The following RFTN1 variants were observed in gnomAD, a reference collection of about 807,000 sequenced individuals.
RFTN1 encodes the protein raftlin, lipid raft linker 1, also known as raftlin.
Under a neutral mutation model 46.5 loss-of-function variants are expected in RFTN1, and 26 were observed. The observed-to-expected ratio is 0.56, with a 90% CI of 0.41 to 0.78. RFTN1 has a LOEUF of 0.78. RFTN1 is among the 30% of genes least tolerant of loss of function. The pLI, the probability that RFTN1 is intolerant of heterozygous loss-of-function variation, is 0.00. For missense variants in RFTN1, 693 were observed against 718.7 expected (o/e 0.96, Z 0.41); for synonymous variants, 261 against 284.2 (o/e 0.92, Z 0.82).
At chr3:16,399,135 TTA>T (rs2074543387) in intron 4 of RFTN1, among the ~76,000 whole-genome samples, 2 of 152,182 alleles carry the variant, frequency 1.3e-5, no homozygotes, top group Non-Finnish European at 2.9e-5. Flanking sequence ...ACATAAAATT[TTA>T]ATGCTTTACA....
At chr3:16,319,065 C>T (rs1040981887) in intron 9 of RFTN1, among the ~76,000 whole-genome samples, 11 of 152,326 alleles carry the variant, frequency 7.2e-5, no homozygotes, top group South Asian at 6.2e-4. Flanking sequence ...TGTTATGGTT[C>T]GTAACTGCTG....
chr3:16,317,115 G>C lies in RFTN1; in HGVS notation c.1450C>G (p.Gln484Glu). ...AEENEKNLED[Q>E]SSKAGDMGNC... ...CCCATGTCTCCAGCTTTGGAAGACTGGTCTTCTAAGTTCTTCTCATTTTCT... is the reference window on the plus strand; with the variant it reads ...CCCATGTCTCCAGCTTTGGAAGACTCGTCTTCTAAGTTCTTCTCATTTTCT... The change falls in exon 10 of 10, where the codon CAG (glutamine) becomes GAG (glutamate). Residue 484 changes from glutamine (Q) to glutamate (E), a missense_variant. By Grantham distance (29) the Gln-to-Glu change is conservative (BLOSUM62 2). Transcript: ENST00000334133. This position sits in a 1 kb window ranked among gnomAD's most constrained non-coding sequence, Gnocchi z 4.3. 6.2e-7 allele frequency: 1 copy of C among 1,613,754 alleles called. No individual in the cohort carries two copies.
intron 2 of RFTN1, among the ~76,000 whole-genome samples, chr3:16,485,833 T>C (rs961519540): frequency 1.3e-5 from 2 of 152,264 alleles, no homozygotes; most frequent in African/African-American, 2.4e-5. Flanking sequence ...GGACTGGCAG[T>C]TGGCGCTGAG....
Position 16,345,811 on chromosome 3 carries a change from T to C in RFTN1, c.1146+12121A>G. On this transcript the variant is annotated intron_variant, in intron 7 of 9. Transcript: ENST00000334133. This position sits in a 1 kb window ranked among gnomAD's most constrained non-coding sequence, Gnocchi z 5.2. The stretch of plus-strand genomic sequence containing the variant: ...CTCTGTGTGTGTGTGTGTGTGTGTG[T>C]GTGTGTGCGCGCGCGCGTGCGCGCA... Among the ~76,000 whole-genome samples, 1 of 85,752 alleles carries C rather than the reference T, an allele frequency of 1.2e-5. No individual in the cohort carries two copies. Among genetic ancestry groups the C allele is most frequent in the South Asian group, 3.7e-4 (1 of 2,734 alleles). 56.3% of individuals were successfully genotyped at this position (85,752 alleles called of 152,430 possible). A position where few individuals can be genotyped will look rare whatever the true frequency, so the allele number is the denominator to read the frequency against.
chr3:16,438,083 T>C (rs1162522676), intron 2 of RFTN1, among the ~76,000 whole-genome samples: 2 of 152,158 alleles, frequency 1.3e-5, no homozygotes, highest in Non-Finnish European at 2.9e-5. Flanking sequence ...ACAGCATCTG[T>C]GAGTCATCGA....
In RFTN1 at chr3:16,458,617, G is replaced by A. The variant is rs372553215; in HGVS notation, c.146-24580C>T. 1.3e-5 allele frequency among the ~76,000 whole-genome samples: 2 copies of A among 152,002 alleles called. No homozygotes were observed. The highest frequency in any genetic ancestry group is 1.9e-4 in the East Asian group (1 of 5,178). On this transcript the variant is annotated intron_variant, in intron 2 of 9. Transcript: ENST00000334133. The surrounding 1 kb of genome is among the most constrained non-coding windows in gnomAD (Gnocchi z 5.1). ...CAACATGCATAATGACAAGCATTTC[G>A]ACCCACACACTCTATTTACATATCA...
Position 16,512,022 on chromosome 3 carries a change from G to T in RFTN1, c.-9+1420C>A, listed in dbSNP as rs1365771555. ...CAGAAACCCCACTGAAGGCAAAAGAGGATGCAGAGCTCAGTCTGAGGTTAG... is the reference window on the plus strand; with the variant it reads ...CAGAAACCCCACTGAAGGCAAAAGATGATGCAGAGCTCAGTCTGAGGTTAG... On this transcript the variant is annotated intron_variant, in intron 1 of 9. Coordinates refer to ENST00000334133, the MANE Select transcript of RFTN1 (RefSeq NM_015150.2). This position sits in a 1 kb window ranked among gnomAD's most constrained non-coding sequence, Gnocchi z 4.3. Among the ~76,000 whole-genome samples the T allele has an allele frequency of 6.6e-6, 1 of 152,128 alleles. No individual in the cohort carries two copies. Among genetic ancestry groups the T allele is most frequent in the Non-Finnish European group, 1.5e-5 (1 of 68,014 alleles).
In RFTN1 at chr3:16,451,592, A is replaced by G. The variant is rs1028418874; in HGVS notation, c.146-17555T>C. The stretch of plus-strand genomic sequence containing the variant: ...GAAACCACAGATAGTAAAGAACCCA[A>G]TTGCTGCCAATCAGAGCACATTTCT... On this transcript the variant is annotated intron_variant, in intron 2 of 9. Coordinates refer to ENST00000334133, the MANE Select transcript of RFTN1 (RefSeq NM_015150.2). This position sits in a 1 kb window ranked among gnomAD's most constrained non-coding sequence, Gnocchi z 4.2. 6.6e-6 allele frequency among the ~76,000 whole-genome samples: 1 copy of G among 152,194 alleles called. No individual in the cohort carries two copies. The highest frequency in any genetic ancestry group is 1.5e-5 in the Non-Finnish European group (1 of 68,032).
Position 16,326,893 on chromosome 3 carries a change from A to AGCATTAGG in RFTN1, c.1147-25_1147-18dup. ...TTCGACACCCTGGGGGAACAAGGCC[A>AGCATTAGG]GCATTAGGGCTGCTGCTGCCACAAG... On this transcript the variant is annotated splice_polypyrimidine_tract_variant and intron_variant, in intron 7 of 9. Transcript: ENST00000334133. 1 of 1,600,938 alleles carries AGCATTAGG rather than the reference A, an allele frequency of 6.2e-7. No individual in the cohort carries two copies. The highest frequency in any genetic ancestry group is 1.3e-5 in the African/African-American group (1 of 74,822).
chr3:16,485,859 G>T (rs760518069), intron 2 of RFTN1, among the ~76,000 whole-genome samples: 2 of 152,312 alleles, frequency 1.3e-5, no homozygotes, highest in East Asian at 3.9e-4. Context: ...TTTCATGTGC[G>T]GTGGATAAGC....
rs190963397 is a variant in RFTN1 at position 16,483,237 on chromosome 3, T to C, written c.145+10488A>G. Among the ~76,000 whole-genome samples the C allele has an allele frequency of 4.7e-3, 711 of 152,340 alleles. 1 individual carries two copies. Among genetic ancestry groups the C allele is most frequent in the Non-Finnish European group, 7.8e-3 (529 of 68,030 alleles). The stretch of plus-strand genomic sequence containing the variant: ...TGAGGCTCTATCTAAAGGAACCCCA[T>C]GGTGAAACCCACTTTAAACCAAGAA... On this transcript the variant is annotated intron_variant, in intron 2 of 9. Coordinates refer to ENST00000334133, the MANE Select transcript of RFTN1 (RefSeq NM_015150.2). The surrounding 1 kb of genome is among the most constrained non-coding windows in gnomAD (Gnocchi z 4.8).
chr3:16,337,293 A>T lies in RFTN1; in HGVS notation c.1147-10417T>A, dbSNP rs757379375. ...TTTCCTAAAAGTTGAAGGAAAAATC[A>T]CCCAGCTGACCTGTTTGGGTTATGA... On this transcript the variant is annotated intron_variant, in intron 7 of 9. Transcript: ENST00000334133. The surrounding 1 kb of genome is among the most constrained non-coding windows in gnomAD (Gnocchi z 5.0). 6.6e-6 allele frequency: 1 copy of T among 152,214 alleles called. No homozygotes were observed. The allele number at this position is 152,214 out of a possible 1,614,324, so 9.4% of individuals were successfully genotyped here.
At chr3:16,366,483 C>T (rs1559294679) in intron 6 of RFTN1, among the ~76,000 whole-genome samples, 1 of 152,170 alleles carries the variant, frequency 6.6e-6, no homozygotes, top group Admixed American at 6.5e-5. Flanking sequence ...TGCCACCTCC[C>T]TAGAGTGACC....
At chr3:16,455,657 C>T (rs1277164964) in intron 2 of RFTN1, among the ~76,000 whole-genome samples, 1 of 152,132 alleles carries the variant, frequency 6.6e-6, no homozygotes, top group Non-Finnish European at 1.5e-5. Context: ...CTGCTGTGTT[C>T]AAAGGACAGT....
At position 16,351,871 on chromosome 3, in the gene RFTN1, A is replaced by G. The variant is rs2072127157; in HGVS notation, c.1146+6061T>C. Among the ~76,000 whole-genome samples the G allele has an allele frequency of 6.6e-6, 1 of 151,622 alleles. No homozygotes were observed. Among genetic ancestry groups the G allele is most frequent in the Admixed American group, 6.6e-5 (1 of 15,266 alleles). ...TAGGGGTGTGTTGGGTGAGGGGACT[A>G]GAAAGACTAGAAAAAAAAATCATGA... On this transcript the variant is annotated intron_variant, in intron 7 of 9. Coordinates refer to ENST00000334133, the MANE Select transcript of RFTN1 (RefSeq NM_015150.2). The surrounding 1 kb of genome is among the most constrained non-coding windows in gnomAD (Gnocchi z 5.4).
intron 6 of RFTN1, among the ~76,000 whole-genome samples, chr3:16,369,853 C>T (rs758305072): frequency 6.9e-4 from 105 of 152,326 alleles, no homozygotes; most frequent in Non-Finnish European, 1.3e-3. Context: ...CTTTCTCTGT[C>T]ATTTCAGAAG....
intron 2 of RFTN1, among the ~76,000 whole-genome samples, chr3:16,437,315 A>G (rs1038497878): frequency 3.9e-4 from 60 of 152,296 alleles, no homozygotes; most frequent in African/African-American, 1.3e-3. Flanking sequence ...ACCTTTGTCC[A>G]TATATCTTGA....
chr3:16,343,737 A>G (rs2071462061), intron 7 of RFTN1, among the ~76,000 whole-genome samples: 1 of 152,256 alleles, frequency 6.6e-6, no homozygotes, highest in South Asian at 2.1e-4. Context: ...CCTGCAACAC[A>G]AAAGGAACTA....
At chr3:16,496,829 C>T (rs1002471474) in intron 1 of RFTN1, among the ~76,000 whole-genome samples, 5 of 152,186 alleles carry the variant, frequency 3.3e-5, no homozygotes, top group African/African-American at 1.2e-4. Context: ...ACCGCCCAAA[C>T]ACCTTCCAGG....
Sources: allele counts gnomAD v4.1 joint callset (sites outside exome capture counted in the v4.1 genomes callset), GRCh38; gene constraint gnomAD v4.1.1; non-coding constraint Gnocchi (gnomAD v3.1); transcripts MANE v1.5; gene names NCBI Gene and HGNC (gene_info 2026-07-23, HGNC 2026-07-21).